The following AKAP9 variants were observed in gnomAD, a reference collection of about 807,000 sequenced individuals.
AKAP9 encodes A-kinase anchoring protein 9.
AKAP9 carries 311 observed loss-of-function variants against 488.5 expected under a neutral mutation model. The observed-to-expected ratio is 0.64, with a 90% CI of 0.58 to 0.70. The LOEUF is 0.70. Ranked by LOEUF, AKAP9 falls within the 30% of genes least tolerant of loss-of-function variation. The probability of loss-of-function intolerance (pLI) is 0.00; values close to 1 mark genes in which losing one functional copy is unlikely to be tolerated. For synonymous variants in AKAP9, 1,462 were observed against 1,483.5 expected, an observed-to-expected ratio of 0.99 and a Z score of 0.33; for missense variants, 4,215 against 4,374.5, an observed-to-expected ratio of 0.96 and a Z score of 1.03.
Position 92,102,803 on chromosome 7 carries a change from C to T in AKAP9, c.11307C>T (p.Val3769=), listed in dbSNP as rs955404695. 14 of 1,613,992 alleles carry T rather than the reference C, an allele frequency of 8.7e-6. No individual in the cohort carries two copies. Among genetic ancestry groups the T allele is most frequent in the African/African-American group, 1.3e-5 (1 of 74,910 alleles). Residue 3769 remains valine (V), a synonymous_variant, in exon 46 of 50, where the codon GTC becomes GTT. Coordinates refer to ENST00000356239, the MANE Select transcript of AKAP9 (RefSeq NM_005751.5). ...PKGFTRFRSA[V]RVSIAISRMK... ...GCTTCACCAGGTTTCGGTCGGCCGT[C>T]AGAGTATCCATTGCAATTTCCAGGT...
intron 3 of AKAP9, among the ~76,000 whole-genome samples, chr7:91,988,420 A>G (rs1797367247): frequency 6.6e-6 from 1 of 151,748 alleles, no homozygotes; most frequent in Non-Finnish European, 1.5e-5. Context: ...CAATGACCTA[A>G]TGATCACACC....
At chr7:91,978,823 C>T (rs1190591800) in intron 2 of AKAP9, among the ~76,000 whole-genome samples, 1 of 151,616 alleles carries the variant, frequency 6.6e-6, no homozygotes, top group Non-Finnish European at 1.5e-5. Flanking sequence ...ATGGCATGAT[C>T]TTGGTTCACC....
chr7:92,026,789 G>A (rs1012565909), intron 14 of AKAP9, among the ~76,000 whole-genome samples: 9 of 151,772 alleles, frequency 5.9e-5, no homozygotes, highest in African/African-American at 1.2e-4. Flanking sequence ...CTGCCTGGCC[G>A]CCCATCATCT....
At chr7:92,097,388 T>C (rs1487889038) in intron 41 of AKAP9, 31 bp downstream of exon 41, 1 of 1,606,370 alleles carries the variant, frequency 6.2e-7, no homozygotes, top group East Asian at 2.3e-5. Flanking sequence ...TAGATATTTT[T>C]AAGGAAAGCA....
chr7:91,952,521 C>G (rs938469995), intron 1 of AKAP9, among the ~76,000 whole-genome samples: 1 of 152,026 alleles, frequency 6.6e-6, no homozygotes, highest in Non-Finnish European at 1.5e-5. Context: ...CTGAATGAAG[C>G]CTTAAAGGAT....
At position 92,066,552 on chromosome 7, in the gene AKAP9, AACTTC is replaced by A; in HGVS notation, c.6330+10_6330+14del. 1 of 1,613,310 alleles carries A rather than the reference AACTTC, an allele frequency of 6.2e-7. No homozygotes were observed. ...GTGAACATCAAACTAGAGAGGTAAG[AACTTC>A]ACTGATATTGCCCAACTTACAGTAA... On this transcript the variant is annotated splice_region_variant and intron_variant, in intron 26 of 49. Transcript: ENST00000356239.
chr7:92,066,761 G>A (rs1273412584), intron 26 of AKAP9, among the ~76,000 whole-genome samples: 1 of 152,156 alleles, frequency 6.6e-6, no homozygotes, highest in Non-Finnish European at 1.5e-5. Context: ...ATGTCTTCTA[G>A]TATTTCTCAA....
chr7:91,970,245 T>G (rs1430030967), intron 1 of AKAP9, among the ~76,000 whole-genome samples: 1 of 152,168 alleles, frequency 6.6e-6, no homozygotes, highest in Non-Finnish European at 1.5e-5. Context: ...TGACTTTACT[T>G]TGTCTCAATT....
chr7:92,061,338 A>C lies in AKAP9; in HGVS notation c.5680A>C (p.Lys1894Gln). 3 of 1,613,216 alleles carry C rather than the reference A, an allele frequency of 1.9e-6. No homozygotes were observed. Among genetic ancestry groups the C allele is most frequent in the Non-Finnish European group, 2.5e-6 (3 of 1,179,522 alleles). The change falls in exon 23 of 50, where the codon AAG (lysine) becomes CAG (glutamine). Residue 1894 changes from lysine to glutamine, a missense_variant. Around this residue, in one of 5 missense-constraint regions of AKAP9, gnomAD observed 2,361 missense variants for 2,430.0 expected, o/e 0.97. Coordinates refer to ENST00000356239, the MANE Select transcript of AKAP9 (RefSeq NM_005751.5). ...RQKQEATESL[K>Q]CQEELRERLH... ...GAAACAAGAAGCAACAGAGTCCCTT[A>C]AGTGCCAAGAGGAACTTCGAGAGCG...
intron 26 of AKAP9, among the ~76,000 whole-genome samples, chr7:92,067,835 CT>C (rs1048887754): frequency 6.6e-6 from 1 of 152,200 alleles, no homozygotes; most frequent in Non-Finnish European, 1.5e-5. Flanking sequence ...TCTCAAATCT[CT>C]GTTAATTCAT....
intron 31 of AKAP9, among the ~76,000 whole-genome samples, chr7:92,080,355 T>A (rs560197418): frequency 6.6e-6 from 1 of 152,048 alleles, no homozygotes; most frequent in South Asian, 2.1e-4. Context: ...TCCCAGCACT[T>A]TGGGAGGCCG....
chr7:91,971,859 G>A (rs866886014), intron 1 of AKAP9, among the ~76,000 whole-genome samples: 13 of 151,652 alleles, frequency 8.6e-5, no homozygotes, highest in South Asian at 2.1e-4. Flanking sequence ...GTGAGCCACC[G>A]TGCCCGGCCT....
Position 92,070,140 on chromosome 7 carries a change from G to A in AKAP9, c.6441G>A (p.Glu2147=). The change falls in exon 27 of 50, where the codon GAG becomes GAA. Residue 2147 remains glutamate, a synonymous_variant. Transcript: ENST00000356239. ...TACAAGAAAGGAATGAAGAAATAGA[G>A]AAACTGGAGTTCAGAGTAAGAGAAC... ...RDIQERNEEI[E]KLEFRVRELE... 1 of 1,614,118 alleles carries A rather than the reference G, an allele frequency of 6.2e-7. No homozygotes were observed. The highest frequency in any genetic ancestry group is 8.5e-7 in the Non-Finnish European group (1 of 1,180,004).
At chr7:92,094,911 C>G in intron 39 of AKAP9, 112 bp from the exon 40 acceptor site, 1 of 836,862 alleles carries the variant, frequency 1.2e-6, no homozygotes, top group East Asian at 2.5e-5. Context: ...ATATTTTCCT[C>G]TTAGCTAGTT....
intron 48 of AKAP9, among the ~76,000 whole-genome samples, chr7:92,108,118 G>A (rs1051060557): frequency 1.3e-5 from 2 of 152,068 alleles, no homozygotes; most frequent in Non-Finnish European, 2.9e-5. Context: ...CAAGGGTATA[G>A]CAAACAAGCT....
At chr7:92,073,992 A>G (rs1265910568) in intron 28 of AKAP9, among the ~76,000 whole-genome samples, 2 of 152,232 alleles carry the variant, frequency 1.3e-5, no homozygotes, top group African/African-American at 2.4e-5. Flanking sequence ...ACCAAAAGCA[A>G]TGGCAACAAA....
At chr7:92,103,042 A>G (rs1817850891) in intron 46 of AKAP9, among the ~76,000 whole-genome samples, 1 of 152,056 alleles carries the variant, frequency 6.6e-6, no homozygotes, top group Non-Finnish European at 1.5e-5. Context: ...GGGCCTTCCT[A>G]GGTCCAGGCA....
Position 92,070,943 on chromosome 7 carries a change from A to T in AKAP9, c.6546A>T (p.Lys2182Asn), listed in dbSNP as rs775480457. 1 of 1,614,106 alleles carries T rather than the reference A, an allele frequency of 6.2e-7. No individual in the cohort carries two copies. Residue 2182 changes from lysine to asparagine, a missense_variant, in exon 28 of 50, where the codon AAA (lysine) becomes AAT (asparagine). This residue lies in a region of AKAP9 where 2,361 missense variants were observed against 2,430.0 expected (regional missense o/e 0.97). Transcript: ENST00000356239. ...AACACTTTGGAGCTGTAGAAGCTAAACCAGAATTGTCCCTAGAAGTACAAT... is the reference window on the plus strand; with the variant it reads ...AACACTTTGGAGCTGTAGAAGCTAATCCAGAATTGTCCCTAGAAGTACAAT... The part of the protein sequence containing the change: ...DRKHFGAVEA[K>N]PELSLEVQLQ...
At chr7:92,016,063 G>A in intron 10 of AKAP9, 66 bp from the exon 11 acceptor site, 1 of 1,380,334 alleles carries the variant, frequency 7.2e-7, no homozygotes, top group Non-Finnish European at 1.0e-6. Context: ...GGAGAATTAT[G>A]TTTAATCTTT....
Sources: allele counts gnomAD v4.1 joint callset (sites outside exome capture counted in the v4.1 genomes callset), GRCh38; gene constraint gnomAD v4.1.1; regional missense constraint gnomAD v4.1.1; transcripts MANE v1.5; gene names NCBI Gene and HGNC (gene_info 2026-07-23, HGNC 2026-07-21).